BTAF1: variants seen among roughly 807,000 people sequenced by gnomAD.
BTAF1 encodes the protein TATA-binding protein-associated factor 172.
BTAF1 carries 38 observed loss-of-function variants against 227.1 expected under a neutral mutation model. That is an observed-to-expected ratio of 0.17 (90% CI 0.13 to 0.22). BTAF1 has a LOEUF of 0.22. Ranked by LOEUF, BTAF1 falls within the 10% of genes least tolerant of loss-of-function variation. The pLI is 1.00. For synonymous variants in BTAF1, 742 were observed against 751.9 expected (o/e 0.99, Z 0.21); for missense variants, 1,598 against 2,204.0 (o/e 0.73, Z 5.51).
At chr10:91,957,139 C>A (rs943265209) in intron 7 of BTAF1, 86 bp from the exon 8 acceptor site, 29 of 1,089,846 alleles carry the variant, frequency 2.7e-5, no homozygotes, top group Admixed American at 3.9e-5. Flanking sequence ...ACTACTAGAC[C>A]TAGAAATAAA....
Position 92,013,905 on chromosome 10 carries a change from T to G in BTAF1, c.4460T>G (p.Leu1487Arg). The G allele has an allele frequency of 6.2e-7, 1 of 1,613,598 alleles. No homozygotes were observed. Among genetic ancestry groups the G allele is most frequent in the Admixed American group, 1.7e-5 (1 of 59,898 alleles). Reference protein sequence around the residue: ...SSSREQEAGVLAMDALHRQVL... With the variant: ...SSSREQEAGVRAMDALHRQVL... ...TCTCTTTAACTATTAACAGGTGTTC[T>G]TGCTATGGATGCGCTGCACCGCCAA... The change falls in exon 32 of 38, where the codon CTT (leucine) becomes CGT (arginine). Residue 1487 changes from leucine (L) to arginine (R), a missense_variant. Coordinates refer to ENST00000265990, the MANE Select transcript of BTAF1 (RefSeq NM_003972.3).
intron 1 of BTAF1, among the ~76,000 whole-genome samples, chr10:91,925,377 T>C (rs1448795195): frequency 6.6e-6 from 1 of 152,182 alleles, no homozygotes; most frequent in Non-Finnish European, 1.5e-5. Context: ...AATATAACAT[T>C]TATCAGGTAA....
chr10:91,932,913 C>T (rs1038102539), intron 1 of BTAF1, among the ~76,000 whole-genome samples: 5 of 152,192 alleles, frequency 3.3e-5, no homozygotes, highest in African/African-American at 1.2e-4. Flanking sequence ...GGTTAAATTC[C>T]AGGTGATATA....
intron 7 of BTAF1, 95 bp from the exon 8 acceptor site, chr10:91,957,130 C>G: frequency 1.1e-6 from 1 of 932,582 alleles, no homozygotes; most frequent in Admixed American, 2.1e-5. Context: ...CTGATTGCTA[C>G]TACTAGACCT....
At chr10:92,019,021 C>T (rs1408459330) in intron 34 of BTAF1, 86 bp downstream of exon 34, 1 of 1,263,508 alleles carries the variant, frequency 7.9e-7, no homozygotes, top group East Asian at 2.6e-5. Flanking sequence ...AAGATTACTA[C>T]TGTGTTTACC....
At chr10:91,959,955 T>C (rs775604167) in intron 10 of BTAF1, 23 bp from the exon 11 acceptor site, 2 of 1,600,198 alleles carry the variant, frequency 1.2e-6, no homozygotes, top group East Asian at 4.5e-5. Flanking sequence ...CAAATATGAG[T>C]TTTCTTCCTT....
At chr10:91,948,679 C>T (rs1168950692) in intron 4 of BTAF1, among the ~76,000 whole-genome samples, 12 of 148,382 alleles carry the variant, frequency 8.1e-5, no homozygotes, top group South Asian at 2.2e-4. Context: ...ACTATGCCTG[C>T]CCCAGAACTT....
rs558893245 is a variant in BTAF1 at position 91,993,590 on chromosome 10, CATT to C, written c.3046-101_3046-99del. ...TAATTGCTTACTTGGTTAATGATAA[CATT>C]ATGAATTCTTAGATGGTGACTTTTA... On this transcript the variant is annotated intron_variant, in intron 21 of 37. Coordinates refer to ENST00000265990, the MANE Select transcript of BTAF1 (RefSeq NM_003972.3). 4.6e-4 allele frequency: 407 copies of C among 889,934 alleles called. 3 individuals carry two copies. In the South Asian group the frequency reaches 7.1e-3, roughly 16 times the overall value. The allele number at this position is 889,934 out of a possible 1,614,324, so 55.1% of individuals were successfully genotyped here.
chr10:91,945,385 G>C (rs1428148854), intron 4 of BTAF1, among the ~76,000 whole-genome samples: 1 of 152,074 alleles, frequency 6.6e-6, no homozygotes, highest in Admixed American at 6.6e-5. Flanking sequence ...TTGTTGTGCA[G>C]CCAGTCTCCA....
chr10:91,954,752 C>T (rs1845983367), intron 6 of BTAF1, among the ~76,000 whole-genome samples: 1 of 152,052 alleles, frequency 6.6e-6, no homozygotes, highest in Non-Finnish European at 1.5e-5. Flanking sequence ...GACATAAGGT[C>T]TTCCTATGTT....
At position 91,966,656 on chromosome 10, in the gene BTAF1, G is replaced by A. The variant is rs757830673; in HGVS notation, c.1549G>A (p.Val517Ile). 6.2e-7 allele frequency: 1 copy of A among 1,613,718 alleles called. No individual in the cohort carries two copies. Among genetic ancestry groups the A allele is most frequent in the Non-Finnish European group, 8.5e-7 (1 of 1,179,834 alleles). Reference sequence around the variant, plus strand: ...TATTAGTATTCAGCAGTCACTGACAGTTTTAGTTCCACGTGTCTGGCCTTT... The same window carrying A: ...TATTAGTATTCAGCAGTCACTGACAATTTTAGTTCCACGTGTCTGGCCTTT... ...QQCSIQQSLT[V>I]LVPRVWPFLH... Residue 517 changes from valine (V) to isoleucine (I), a missense_variant, in exon 14 of 38, where the codon GTT (valine) becomes ATT (isoleucine). Physicochemically the swap from Val to Ile is conservative, Grantham distance 29. Around this residue, in one of 10 missense-constraint regions of BTAF1, gnomAD observed 318 missense variants for 435.0 expected, o/e 0.73. Transcript: ENST00000265990.
At chr10:91,988,974 C>G (rs1486227493) in intron 19 of BTAF1, among the ~76,000 whole-genome samples, 180 bp from the exon 20 acceptor site, 1 of 152,038 alleles carries the variant, frequency 6.6e-6, no homozygotes, top group Non-Finnish European at 1.5e-5. Flanking sequence ...AAATTTTAGT[C>G]AGATTAAAAT....
intron 11 of BTAF1, among the ~76,000 whole-genome samples, chr10:91,961,213 G>T (rs80192271): frequency 6.6e-6 from 1 of 152,156 alleles, no homozygotes; most frequent in African/African-American, 2.4e-5. Flanking sequence ...TGAGGAGCTA[G>T]AGAGAGACCA....
At chr10:91,989,605 G>T in intron 20 of BTAF1, 25 bp downstream of exon 20, 2 of 1,537,332 alleles carry the variant, frequency 1.3e-6, no homozygotes, top group Non-Finnish European at 1.7e-6. Context: ...TTTTATTTGG[G>T]GTAGAGAAAT....
At chr10:91,987,205 C>T (rs573296489) in intron 19 of BTAF1, among the ~76,000 whole-genome samples, 11 of 151,078 alleles carry the variant, frequency 7.3e-5, no homozygotes, top group East Asian at 1.9e-4. Context: ...GTGTTTAGGC[C>T]GGGCGCAGTG....
intron 4 of BTAF1, among the ~76,000 whole-genome samples, chr10:91,950,519 T>C (rs1845701163): frequency 1.3e-5 from 2 of 152,160 alleles, no homozygotes; most frequent in Admixed American, 6.5e-5. Context: ...CTTTTACAGC[T>C]TAGCTGTTTT....
At position 91,960,021 on chromosome 10, in the gene BTAF1, T is replaced by G; in HGVS notation, c.1130T>G (p.Val377Gly). 2 of 1,612,834 alleles carry G rather than the reference T, an allele frequency of 1.2e-6. No individual in the cohort carries two copies. Among genetic ancestry groups the G allele is most frequent in the Non-Finnish European group, 1.7e-6 (2 of 1,179,344 alleles). ...VRETCAQTLG[V>G]VLKHMNETGV... ...GAAACTTGTGCTCAAACATTAGGTGTGGTTTTAAAACACATGAACGAAACA... is the reference window on the plus strand; with the variant it reads ...GAAACTTGTGCTCAAACATTAGGTGGGGTTTTAAAACACATGAACGAAACA... Residue 377 changes from valine (V) to glycine (G), a missense_variant, in exon 11 of 38, where the codon GTG becomes GGG. By Grantham distance (109) the Val-to-Gly change is moderately radical. This residue lies in a region of BTAF1 where 52 missense variants were observed against 72.4 expected (regional missense o/e 0.72). Transcript: ENST00000265990.
At chr10:92,023,979 T>G (rs1298138414) in intron 34 of BTAF1, among the ~76,000 whole-genome samples, 1 of 152,206 alleles carries the variant, frequency 6.6e-6, no homozygotes, top group Non-Finnish European at 1.5e-5. Flanking sequence ...GCTCAAATAC[T>G]ATGGATGAAG....
intron 2 of BTAF1, among the ~76,000 whole-genome samples, chr10:91,937,466 C>T (rs1564656759): frequency 6.6e-6 from 1 of 152,164 alleles, no homozygotes; most frequent in Non-Finnish European, 1.5e-5. Context: ...CTCTTCAATA[C>T]TCCTTCACTC....
Sources: gnomAD v4.1 joint callset for allele counts (sites outside exome capture counted in the v4.1 genomes callset) on GRCh38, gnomAD v4.1.1 for gene constraint, gnomAD v4.1.1 regional missense constraint, MANE v1.5 for transcripts, NCBI Gene and HGNC (gene_info 2026-07-23, HGNC 2026-07-21) for gene names.